The following CLECL1 variants were observed in gnomAD, a reference collection of about 807,000 sequenced individuals.
CLECL1 encodes C-type lectin-like domain family 1.
the CLECL1 span, among the ~76,000 whole-genome samples, chr12:9,710,295 C>A: frequency 6.6e-6 from 1 of 152,138 alleles, no homozygotes; most frequent in South Asian, 2.1e-4. Context: ...ATGATGGCTC[C>A]GCTTTGCTAG....
At chr12:9,717,142 G>A (rs1866247370) in intron 2 of CLECL1, among the ~76,000 whole-genome samples, 1 of 152,222 alleles carries the variant, frequency 6.6e-6, no homozygotes. Context: ...TGGGTGCGGT[G>A]GCTCATGCCT....
At chr12:9,731,617 C>T (rs1397936895) in intron 1 of CLECL1, among the ~76,000 whole-genome samples, 1 of 152,152 alleles carries the variant, frequency 6.6e-6, no homozygotes, top group East Asian at 1.9e-4. Flanking sequence ...TAACACCACA[C>T]GTATACAGCA....
downstream of CLECL1, among the ~76,000 whole-genome samples, chr12:9,718,384 A>G (rs1456987908): frequency 6.6e-6 from 1 of 150,894 alleles, no homozygotes; most frequent in Non-Finnish European, 1.5e-5. Context: ...TATTAGTTTA[A>G]TTAGTTACTT....
upstream of CLECL1, among the ~76,000 whole-genome samples, chr12:9,733,740 G>A (rs1591722100): frequency 6.6e-6 from 1 of 152,058 alleles, no homozygotes; most frequent in East Asian, 1.9e-4. Context: ...TTTAAAATGA[G>A]GTGTTCAGAA....
downstream of CLECL1, among the ~76,000 whole-genome samples, chr12:9,720,105 G>C (rs1246614600): frequency 6.6e-6 from 1 of 152,074 alleles, no homozygotes; most frequent in Non-Finnish European, 1.5e-5. Context: ...GGCCTGCTCA[G>C]GTCTCTGCCC....
At chr12:9,718,849 G>C, downstream of CLECL1, 1 of 648,058 alleles carries the variant, frequency 1.5e-6, no homozygotes, top group Non-Finnish European at 2.8e-6. Context: ...CTAGGCTTTA[G>C]CTGTGAAAAA....
chr12:9,730,136 T>C (rs966565639), intron 1 of CLECL1, among the ~76,000 whole-genome samples: 2 of 152,324 alleles, frequency 1.3e-5, no homozygotes, highest in Admixed American at 1.3e-4. Flanking sequence ...TTTAACGCAA[T>C]ACCCACGTGT....
At chr12:9,714,035 C>T (rs1037965303), downstream of CLECL1, among the ~76,000 whole-genome samples, 3 of 152,160 alleles carry the variant, frequency 2.0e-5, no homozygotes, top group Admixed American at 6.5e-5. Flanking sequence ...AGCAAGTAGT[C>T]GAGAGCCAAT....
At chr12:9,724,082 G>A (rs2121052232) in intron 3 of CLECL1, among the ~76,000 whole-genome samples, 1 of 151,762 alleles carries the variant, frequency 6.6e-6, no homozygotes, top group South Asian at 2.1e-4. Context: ...AGCTACTCGG[G>A]AGGCTGAGGC....
intron 3 of CLECL1, among the ~76,000 whole-genome samples, chr12:9,726,993 T>G (rs1229785000): frequency 2.0e-5 from 3 of 151,780 alleles, no homozygotes; most frequent in Non-Finnish European, 4.4e-5. Context: ...TTGGACATGG[T>G]AAGTCATTCT....
chr12:9,732,641 T>C (rs990769629), intron 1 of CLECL1, among the ~76,000 whole-genome samples: 10 of 152,182 alleles, frequency 6.6e-5, no homozygotes, highest in African/African-American at 2.4e-4. Flanking sequence ...AGCAAAGCTG[T>C]GGAGCAGAAA....
chr12:9,705,923 A>T, the CLECL1 span, among the ~76,000 whole-genome samples: 1 of 152,218 alleles, frequency 6.6e-6, no homozygotes, highest in East Asian at 1.9e-4. Context: ...TATAAATTTT[A>T]AAATAGGTAT....
chr12:9,709,259 A>ACCC, the CLECL1 span: 18 of 152,310 alleles, frequency 1.2e-4, no homozygotes, highest in African/African-American at 4.3e-4. Context: ...TCCCAGAGGC[A>ACCC]CCCCCAACAG....
At chr12:9,703,614 C>A in the CLECL1 span, among the ~76,000 whole-genome samples, 33 of 151,950 alleles carry the variant, frequency 2.2e-4, 1 homozygote, top group African/African-American at 6.5e-4. Flanking sequence ...AGGCTGGTCT[C>A]AAAATTTTGG....
downstream of CLECL1, among the ~76,000 whole-genome samples, chr12:9,711,368 G>T (rs1259748033): frequency 6.6e-6 from 1 of 152,120 alleles, no homozygotes; most frequent in African/African-American, 2.4e-5. Context: ...AATTGCATTG[G>T]CTACTTAATC....
the CLECL1 span, among the ~76,000 whole-genome samples, chr12:9,710,592 G>T: frequency 6.6e-6 from 1 of 152,184 alleles, no homozygotes; most frequent in African/African-American, 2.4e-5. Context: ...ACCCTGGCCT[G>T]CCATGCCCCC....
intron 1 of CLECL1, among the ~76,000 whole-genome samples, chr12:9,730,155 G>T (rs1258092354): frequency 1.3e-5 from 2 of 152,136 alleles, no homozygotes; most frequent in Non-Finnish European, 2.9e-5. Context: ...GTTAAAATGG[G>T]GATATTCAAG....
chr12:9,704,127 A>G, the CLECL1 span: 3 of 152,202 alleles, frequency 2.0e-5, no homozygotes, highest in East Asian at 5.8e-4. Flanking sequence ...TATTTTCTTT[A>G]GGTAATTGCC....
chr12:9,704,257 C>G, the CLECL1 span: 2 of 152,214 alleles, frequency 1.3e-5, no homozygotes, highest in African/African-American at 4.8e-5. Flanking sequence ...TAAATATTTT[C>G]TGTATATAAT....
Sources: allele counts gnomAD v4.1 joint callset (sites outside exome capture counted in the v4.1 genomes callset), GRCh38; gene constraint gnomAD v4.1.1; transcripts MANE v1.5; gene names NCBI Gene and HGNC (gene_info 2026-07-23, HGNC 2026-07-21).